The following MGAT4C variants were observed in gnomAD, a reference collection of about 807,000 sequenced individuals.
MGAT4C encodes the protein MGAT4 family member C.
A neutral mutation model predicts 40.1 loss-of-function variants in MGAT4C; 19 were observed. The observed-to-expected ratio is 0.47, with a 90% CI of 0.33 to 0.70. The LOEUF is 0.70. Among genes scored for constraint, MGAT4C ranks in the 30% least tolerant of loss-of-function variants. The pLI is 0.02. For missense variants in MGAT4C, 491 were observed against 563.2 expected (o/e 0.87, Z 1.30); for synonymous variants, 181 against 187.1 (o/e 0.97, Z 0.27).
chr12:85,993,143 T>A (rs778941068), intron 2 of MGAT4C, among the ~76,000 whole-genome samples: 20 of 152,170 alleles, frequency 1.3e-4, no homozygotes, highest in Non-Finnish European at 2.4e-4. Flanking sequence ...TCCTGACAGG[T>A]ATATAGAGGC....
chr12:86,208,065 T>C (rs568477626), intron 1 of MGAT4C, among the ~76,000 whole-genome samples: 4 of 152,214 alleles, frequency 2.6e-5, no homozygotes, highest in Non-Finnish European at 2.9e-5. Flanking sequence ...GATAAGCTTC[T>C]TCCTGCCTCT....
chr12:86,695,622 A>G (rs1399035420), intron 2 of MGAT4C, among the ~76,000 whole-genome samples: 2 of 152,210 alleles, frequency 1.3e-5, no homozygotes, highest in Non-Finnish European at 2.9e-5. Context: ...TTGCAACAAC[A>G]TGGATGAAAA....
intron 1 of MGAT4C, among the ~76,000 whole-genome samples, chr12:86,836,960 TAGAAA>T (rs1402583153): frequency 2.0e-5 from 3 of 151,994 alleles, no homozygotes; most frequent in African/African-American, 7.3e-5. Flanking sequence ...TTTTTAAAAA[TAGAAA>T]AGAGAGAGAG....
At chr12:86,517,854 T>A (rs2136355650) in intron 2 of MGAT4C, among the ~76,000 whole-genome samples, 1 of 152,270 alleles carries the variant, frequency 6.6e-6, no homozygotes, top group African/African-American at 2.4e-5. Context: ...TTTCACCGTA[T>A]TAGCCAGATG....
chr12:86,331,361 G>C (rs973336953), intron 4 of MGAT4C, among the ~76,000 whole-genome samples: 1 of 152,084 alleles, frequency 6.6e-6, no homozygotes, highest in Admixed American at 6.6e-5. Flanking sequence ...ATGTACAACT[G>C]TGGCATTTTT....
intron 2 of MGAT4C, among the ~76,000 whole-genome samples, chr12:86,678,740 C>G (rs1222804955): frequency 1.3e-5 from 2 of 151,974 alleles, no homozygotes; most frequent in African/African-American, 4.8e-5. Flanking sequence ...TCATCCATGT[C>G]CCTACAAAGG....
chr12:86,426,763 C>A (rs189954765), intron 3 of MGAT4C, among the ~76,000 whole-genome samples: 7 of 151,996 alleles, frequency 4.6e-5, no homozygotes, highest in East Asian at 1.9e-4. Context: ...CTGGCTAACA[C>A]GGTGAAACCC....
intron 2 of MGAT4C, among the ~76,000 whole-genome samples, chr12:86,550,003 C>A (rs190127103): frequency 5.8e-4 from 89 of 152,210 alleles, no homozygotes; most frequent in African/African-American, 2.0e-3. Context: ...CCCACCTGTC[C>A]AGGGAGCAAG....
intron 2 of MGAT4C, among the ~76,000 whole-genome samples, chr12:86,610,629 C>G (rs1434551687): frequency 1.3e-5 from 2 of 150,774 alleles, no homozygotes; most frequent in Non-Finnish European, 2.9e-5. Context: ...GGTACATGTG[C>G]ACAACGTGCA....
intron 3 of MGAT4C, among the ~76,000 whole-genome samples, chr12:86,408,477 C>CTATATA (rs1222218802): frequency 6.7e-4 from 65 of 97,530 alleles, no homozygotes; most frequent in Non-Finnish European, 8.8e-4. Flanking sequence ...CTCTCTCTCT[C>CTATATA]TCTATATATA....
chr12:86,199,856 A>G (rs1949973306), intron 1 of MGAT4C, among the ~76,000 whole-genome samples: 1 of 152,190 alleles, frequency 6.6e-6, no homozygotes, highest in Non-Finnish European at 1.5e-5. Flanking sequence ...TGAATATTTT[A>G]TACAATGTTT....
chr12:86,566,884 C>G (rs1192471370), intron 2 of MGAT4C, among the ~76,000 whole-genome samples: 2 of 151,452 alleles, frequency 1.3e-5, no homozygotes, highest in Admixed American at 1.3e-4. Context: ...GCTTTATCCT[C>G]CATCATGGTA....
chr12:85,986,580 A>G (rs571379553), intron 3 of MGAT4C, among the ~76,000 whole-genome samples: 1 of 152,360 alleles, frequency 6.6e-6, no homozygotes, highest in African/African-American at 2.4e-5. Context: ...AGACGAGAAT[A>G]GAATCTGTTA....
chr12:86,450,766 T>C (rs748808884), intron 2 of MGAT4C, among the ~76,000 whole-genome samples: 3 of 104,410 alleles, frequency 2.9e-5, no homozygotes, highest in Non-Finnish European at 4.4e-5. Context: ...TTTATCTGTA[T>C]GTATGAATAT....
chr12:86,391,092 G>A (rs886310870), intron 3 of MGAT4C, among the ~76,000 whole-genome samples: 9 of 151,970 alleles, frequency 5.9e-5, no homozygotes, highest in Middle Eastern at 3.4e-3. Context: ...TGTTTTCTCC[G>A]TAAAATCTCT....
At chr12:86,386,655 A>G (rs1379352606) in intron 3 of MGAT4C, among the ~76,000 whole-genome samples, 3 of 152,244 alleles carry the variant, frequency 2.0e-5, no homozygotes, top group Admixed American at 2.0e-4. Flanking sequence ...GATCGAAAGT[A>G]AAATGATAAG....
chr12:86,261,808 A>G (rs1226460716), intron 4 of MGAT4C, among the ~76,000 whole-genome samples: 1 of 152,078 alleles, frequency 6.6e-6, no homozygotes, highest in Non-Finnish European at 1.5e-5. Context: ...GGGAAGTAAG[A>G]ATCACATTAC....
chr12:86,163,093 G>A (rs1566073984), intron 1 of MGAT4C, among the ~76,000 whole-genome samples: 1 of 152,122 alleles, frequency 6.6e-6, no homozygotes, highest in Non-Finnish European at 1.5e-5. Flanking sequence ...AGCCTTCTGT[G>A]AGTAAAATCG....
intron 1 of MGAT4C, among the ~76,000 whole-genome samples, chr12:86,749,218 A>G (rs909588228): frequency 6.6e-6 from 1 of 151,736 alleles, no homozygotes; most frequent in Non-Finnish European, 1.5e-5. Context: ...ATTCTTCTAA[A>G]CAATAGATGC....
Sources: gnomAD v4.1 joint callset for allele counts (sites outside exome capture counted in the v4.1 genomes callset) on GRCh38, gnomAD v4.1.1 for gene constraint, MANE v1.5 for transcripts, NCBI Gene and HGNC (gene_info 2026-07-23, HGNC 2026-07-21) for gene names.